Variants in CSMD1 observed in about 807,000 individuals in gnomAD.
The protein encoded by CSMD1 is CUB and sushi domain-containing protein 1.
Under a neutral mutation model 417.5 loss-of-function variants are expected in CSMD1, and 213 were observed. The ratio of observed to expected loss-of-function variants is 0.51; its 90% CI spans 0.46 to 0.57. CSMD1 has a LOEUF of 0.57. CSMD1 is among the 20% of genes least tolerant of loss of function. CSMD1 has a pLI of 0.00. For synonymous variants in CSMD1, 2,862 were observed against 1,736.8 expected (o/e 1.65, Z -16.11); for missense variants, 6,923 against 4,529.7 (o/e 1.53, Z -15.17).
rs947097163 is a variant in CSMD1 at position 4,892,559 on chromosome 8, C to T, written c.85+101773G>A. On this transcript the variant is annotated intron_variant, in intron 1 of 69. Coordinates refer to ENST00000635120, the MANE Select transcript of CSMD1 (RefSeq NM_033225.6). ...TTACTTGTACTAGCGTTAGGTATTG[C>T]CTAATTATATTTAAAAAATCATACA... Among the ~76,000 whole-genome samples the T allele has an allele frequency of 2.6e-5, 4 of 151,944 alleles. No homozygotes were observed. In the East Asian group the frequency reaches 7.7e-4, roughly 29 times the overall value.
chr8:4,823,366 A>G (rs545633965), intron 1 of CSMD1, among the ~76,000 whole-genome samples: 15 of 152,066 alleles, frequency 9.9e-5, no homozygotes, highest in Non-Finnish European at 1.8e-4. Context: ...ACACTCTACA[A>G]GTATGACTTT....
intron 5 of CSMD1, among the ~76,000 whole-genome samples, chr8:3,864,139 C>G (rs1453343634): frequency 6.6e-6 from 1 of 152,008 alleles, no homozygotes; most frequent in Non-Finnish European, 1.5e-5. Context: ...AAAATGTGAC[C>G]AGCATTTATG....
chr8:4,002,285 T>C (rs1274944615), intron 4 of CSMD1, among the ~76,000 whole-genome samples: 1 of 152,112 alleles, frequency 6.6e-6, no homozygotes, highest in Admixed American at 6.6e-5. Context: ...GCACCTGCTA[T>C]AGTGCTGTAA....
chr8:3,667,826 C>T (rs954651160), intron 7 of CSMD1, among the ~76,000 whole-genome samples: 1 of 152,176 alleles, frequency 6.6e-6, no homozygotes, highest in African/African-American at 2.4e-5. Context: ...TCATGAACAG[C>T]AGGCATCCTG....
intron 5 of CSMD1, among the ~76,000 whole-genome samples, chr8:3,903,532 G>T (rs781503590): frequency 6.6e-6 from 1 of 152,090 alleles, no homozygotes; most frequent in Admixed American, 6.5e-5. Flanking sequence ...AGTAATTGCC[G>T]GCATTTTGTC....
At chr8:4,186,903 G>C (rs1798711179) in intron 3 of CSMD1, among the ~76,000 whole-genome samples, 1 of 151,884 alleles carries the variant, frequency 6.6e-6, no homozygotes. Flanking sequence ...GGCTGAGGCA[G>C]GAGAATCACC....
At chr8:3,417,039 A>T (rs146475157) in intron 12 of CSMD1, among the ~76,000 whole-genome samples, 1,889 of 152,314 alleles carry the variant, frequency 0.012, 17 homozygotes, top group Non-Finnish European at 0.02. Flanking sequence ...ATGATTTACC[A>T]AGAGTTTAAA....
intron 5 of CSMD1, among the ~76,000 whole-genome samples, chr8:3,782,485 T>C (rs1639544266): frequency 6.6e-6 from 1 of 152,014 alleles, no homozygotes; most frequent in South Asian, 2.1e-4. Context: ...TCTAATAAAA[T>C]CAAGTGCTTT....
At chr8:3,747,637 G>T (rs1797125233) in intron 6 of CSMD1, among the ~76,000 whole-genome samples, 2 of 151,896 alleles carry the variant, frequency 1.3e-5, no homozygotes, top group Admixed American at 6.6e-5. Flanking sequence ...TGACAATAGC[G>T]CTTGCATCTC....
At position 3,931,312 on chromosome 8, in the gene CSMD1, T is replaced by A. The variant is rs1395110857; in HGVS notation, c.818+66591A>T. Among the ~76,000 whole-genome samples, 2 of 150,512 alleles carry A rather than the reference T, an allele frequency of 1.3e-5. 1 individual carries two copies. Among genetic ancestry groups the A allele is most frequent in the Admixed American group, 1.3e-4 (2 of 15,116 alleles). On this transcript the variant is annotated intron_variant, in intron 5 of 69. Transcript: ENST00000635120. Reference sequence around the variant, plus strand: ...ATTGTGAAATTTTCAAATAAAATATTTAAGAACTAGAAGTCAGCAGAAAAG... The same window carrying A: ...ATTGTGAAATTTTCAAATAAAATATATAAGAACTAGAAGTCAGCAGAAAAG...
intron 1 of CSMD1, among the ~76,000 whole-genome samples, chr8:4,680,579 T>C (rs553383618): frequency 6.0e-4 from 91 of 152,130 alleles, no homozygotes; most frequent in Non-Finnish European, 9.0e-4. Flanking sequence ...CATTCTAAGA[T>C]AGTTTTTGTG....
intron 26 of CSMD1, among the ~76,000 whole-genome samples, chr8:3,246,854 T>G (rs1015006757): frequency 1.3e-5 from 2 of 152,206 alleles, no homozygotes; most frequent in Non-Finnish European, 2.9e-5. Flanking sequence ...CATGGTGCCA[T>G]TTTAGCGGTT....
rs1563390150 is a variant in CSMD1, at chr8:3,439,154, C to CAAAAAAAA, written c.1562-29550_1562-29549insTTTTTTTT. Among the ~76,000 whole-genome samples the CAAAAAAAA allele has an allele frequency of 5.6e-3, 148 of 26,488 alleles. 10 individuals carry two copies. Among genetic ancestry groups the CAAAAAAAA allele is most frequent in the Middle Eastern group, 0.022 (1 of 46 alleles). 17.4% of individuals were successfully genotyped at this position (26,488 alleles called of 152,430 possible). The stretch of plus-strand genomic sequence containing the variant: ...AAAAAAAAAAAAAAAAAAAAAAAAC[C>CAAAAAAAA]AAGAAAAAAAAAAGAAAAAGAAAAA... On this transcript the variant is annotated intron_variant, in intron 12 of 69. Coordinates refer to ENST00000635120, the MANE Select transcript of CSMD1 (RefSeq NM_033225.6).
intron 2 of CSMD1, among the ~76,000 whole-genome samples, chr8:4,504,673 C>A (rs774035571): frequency 6.6e-6 from 1 of 152,122 alleles, no homozygotes; most frequent in Non-Finnish European, 1.5e-5. Flanking sequence ...TGATGTTCCC[C>A]TCCCTGTATC....
At chr8:3,948,857 T>A (rs1051381669) in intron 5 of CSMD1, among the ~76,000 whole-genome samples, 1 of 152,158 alleles carries the variant, frequency 6.6e-6, no homozygotes, top group Non-Finnish European at 1.5e-5. Context: ...CAATTTTCAA[T>A]GTTCTCATTA....
chr8:3,648,889 G>C (rs958588434), intron 7 of CSMD1, among the ~76,000 whole-genome samples: 1 of 152,192 alleles, frequency 6.6e-6, no homozygotes, highest in Non-Finnish European at 1.5e-5. Flanking sequence ...CTGGTAGCTA[G>C]TGTTTTCTAT....
chr8:4,097,875 A>C (rs1359989863), intron 3 of CSMD1, among the ~76,000 whole-genome samples: 1 of 152,188 alleles, frequency 6.6e-6, no homozygotes. Flanking sequence ...GACTACGTCT[A>C]TCCATGGGGC....
chr8:4,161,552 T>C (rs1359589835), intron 3 of CSMD1, among the ~76,000 whole-genome samples: 15 of 152,328 alleles, frequency 9.8e-5, no homozygotes, highest in Non-Finnish European at 2.1e-4. Context: ...CTCCTACTAC[T>C]TGACATTGTT....
At chr8:3,519,647 G>A (rs1277903803) in intron 10 of CSMD1, among the ~76,000 whole-genome samples, 2 of 152,172 alleles carry the variant, frequency 1.3e-5, no homozygotes, top group Non-Finnish European at 2.9e-5. Context: ...ACATGCATAC[G>A]AAAGCTTATC....
Sources: allele counts gnomAD v4.1 joint callset (sites outside exome capture counted in the v4.1 genomes callset), GRCh38; gene constraint gnomAD v4.1.1; transcripts MANE v1.5; gene names NCBI Gene and HGNC (gene_info 2026-07-23, HGNC 2026-07-21).